The following PTPRK variants were observed in gnomAD, a reference collection of about 807,000 sequenced individuals.
PTPRK encodes protein tyrosine phosphatase receptor type K.
A neutral mutation model predicts 178.0 loss-of-function variants in PTPRK; 75 were observed. The ratio of observed to expected loss-of-function variants is 0.42; its 90% CI spans 0.35 to 0.51. The LOEUF is 0.51. Ranked by LOEUF, PTPRK falls within the 20% of genes least tolerant of loss-of-function variation. The pLI is 0.02. For synonymous variants in PTPRK, 637 were observed against 620.6 expected (o/e 1.03, Z -0.39); for missense variants, 1,441 against 1,797.8 (o/e 0.80, Z 3.59).
At chr6:127,970,961 G>GA (rs71952464) in intron 29 of PTPRK, among the ~76,000 whole-genome samples, 3 of 149,540 alleles carry the variant, frequency 2.0e-5, no homozygotes, top group East Asian at 2.0e-4. Flanking sequence ...ATTTCCTTGA[G>GA]AAAAAAAAAG....
chr6:128,434,389 T>C (rs1229698905), intron 1 of PTPRK, among the ~76,000 whole-genome samples: 1 of 152,184 alleles, frequency 6.6e-6, no homozygotes, highest in Non-Finnish European at 1.5e-5. Flanking sequence ...TGAATACTTC[T>C]GAACCTCCCT....
At chr6:128,435,747 C>A (rs1845508640) in intron 1 of PTPRK, among the ~76,000 whole-genome samples, 1 of 152,158 alleles carries the variant, frequency 6.6e-6, no homozygotes, top group Non-Finnish European at 1.5e-5. Flanking sequence ...CAAGGCATGA[C>A]TGTAACAGCT....
intron 3 of PTPRK, among the ~76,000 whole-genome samples, chr6:128,298,165 A>G (rs553924740): frequency 2.1e-3 from 327 of 152,256 alleles, no homozygotes; most frequent in Non-Finnish European, 3.6e-3. Context: ...CACACTCTCC[A>G]AAGACTAAAA....
chr6:128,023,177 T>G (rs1020762585), intron 13 of PTPRK, among the ~76,000 whole-genome samples: 3 of 152,162 alleles, frequency 2.0e-5, no homozygotes, highest in Admixed American at 2.0e-4. Flanking sequence ...TCGATAAAGC[T>G]ATCCAATAAA....
chr6:128,058,894 A>G (rs1250406488), intron 13 of PTPRK, among the ~76,000 whole-genome samples: 1 of 151,916 alleles, frequency 6.6e-6, no homozygotes, highest in Non-Finnish European at 1.5e-5. Context: ...TGTCTTCCAT[A>G]TAGATATGGA....
intron 3 of PTPRK, among the ~76,000 whole-genome samples, chr6:128,285,595 G>A (rs1325854970): frequency 6.6e-6 from 1 of 151,894 alleles, no homozygotes. Context: ...TGGATCACAA[G>A]GTCAGGAGGT....
chr6:128,005,364 C>A, intron 14 of PTPRK, 120 bp from the exon 15 acceptor site: 1 of 813,116 alleles, frequency 1.2e-6, no homozygotes. Flanking sequence ...TTAGAAACCC[C>A]AAGCACTGGT....
rs987081686 is a variant in PTPRK at position 128,328,899 on chromosome 6, C to T, written c.224-6589G>A. Among the ~76,000 whole-genome samples, 4 of 152,200 alleles carry T rather than the reference C, an allele frequency of 2.6e-5. No individual in the cohort carries two copies. In the South Asian group the frequency reaches 8.3e-4, roughly 32 times the overall value. ...TTACAAATCTCTTTAGTATCTGTCT[C>T]AATAGAAGGCAATTAGATTCTCATT... On this transcript the variant is annotated intron_variant, in intron 2 of 29. Transcript: ENST00000368226.
chr6:128,320,181 A>T (rs1828595075), intron 3 of PTPRK, among the ~76,000 whole-genome samples: 1 of 152,136 alleles, frequency 6.6e-6, no homozygotes, highest in Admixed American at 6.6e-5. Context: ...ACATATAACG[A>T]AGGGGGTTTT....
rs28626733 is a variant in PTPRK, at chr6:128,260,501, G to A, written c.496-17899C>T. ...GTAAGCCTCCTATAAAGAGGTATTC[G>A]GGTAAGAAAGTTAGGAAGAGAGGCC... On this transcript the variant is annotated intron_variant, in intron 3 of 29. Coordinates refer to ENST00000368226, the MANE Select transcript of PTPRK (RefSeq NM_002844.4). Among the ~76,000 whole-genome samples the A allele has an allele frequency of 5.0e-3, 763 of 152,228 alleles. 4 individuals are homozygous for A. Among genetic ancestry groups the A allele is most frequent in the Non-Finnish European group, 8.2e-3 (555 of 68,004 alleles).
At chr6:128,446,909 A>G (rs1218236466) in intron 1 of PTPRK, among the ~76,000 whole-genome samples, 1 of 152,178 alleles carries the variant, frequency 6.6e-6, no homozygotes, top group Non-Finnish European at 1.5e-5. Context: ...AAGTCAAGTA[A>G]TACTTTTTCT....
chr6:128,025,296 CTCTAACTTT>C (rs1384882431), intron 13 of PTPRK, among the ~76,000 whole-genome samples: 3 of 152,176 alleles, frequency 2.0e-5, no homozygotes. Flanking sequence ...AGATTGTTTT[CTCTAACTTT>C]TGTTATATGA....
At chr6:128,180,030 A>C (rs1801664551) in intron 7 of PTPRK, among the ~76,000 whole-genome samples, 1 of 152,060 alleles carries the variant, frequency 6.6e-6, no homozygotes, top group African/African-American at 2.4e-5. Flanking sequence ...CCAACTGCAT[A>C]AATGTATTAT....
intron 6 of PTPRK, among the ~76,000 whole-genome samples, chr6:128,194,942 T>C (rs758266979): frequency 6.6e-6 from 1 of 152,074 alleles, no homozygotes; most frequent in Non-Finnish European, 1.5e-5. Flanking sequence ...AAACAAGATA[T>C]CAATTTTAAA....
intron 5 of PTPRK, chr6:128,235,669 C>A (rs1017250399): frequency 4.6e-6 from 2 of 438,512 alleles, no homozygotes; most frequent in Non-Finnish European, 9.5e-6. Context: ...CTCTGAGTAG[C>A]GTGATGAAAT....
At chr6:128,288,056 T>C (rs1193897465) in intron 3 of PTPRK, among the ~76,000 whole-genome samples, 1 of 152,160 alleles carries the variant, frequency 6.6e-6, no homozygotes, top group African/African-American at 2.4e-5. Flanking sequence ...TACTGGAGGC[T>C]TTCTCATTGA....
chr6:128,392,963 CATCTT>C (rs1562426577), intron 2 of PTPRK, among the ~76,000 whole-genome samples: 1 of 151,764 alleles, frequency 6.6e-6, no homozygotes, highest in Non-Finnish European at 1.5e-5. Context: ...AGAGGAAAAA[CATCTT>C]GTTTAATTCT....
rs1773746248 is a variant in PTPRK, at chr6:127,970,164, C to T, written c.*63G>A. On this transcript the variant is annotated 3_prime_UTR_variant, in exon 30 of 30. Coordinates refer to ENST00000368226, the MANE Select transcript of PTPRK (RefSeq NM_002844.4). ...TTCTGCACAAGTGTAACAGGTACAA[C>T]AGCTGCTGGCTCAATAGATGGACAG... 2.9e-6 allele frequency: 4 copies of T among 1,364,030 alleles called. No individual in the cohort carries two copies. Among genetic ancestry groups the T allele is most frequent in the East Asian group, 4.8e-5 (2 of 41,674 alleles). The allele number at this position is 1,364,030 out of a possible 1,614,324, so 84.5% of individuals were successfully genotyped here. A position where few individuals can be genotyped will look rare whatever the true frequency, so the allele number is the denominator to read the frequency against.
At chr6:128,292,082 C>T (rs1403780559) in intron 3 of PTPRK, among the ~76,000 whole-genome samples, 2 of 151,968 alleles carry the variant, frequency 1.3e-5, no homozygotes, top group Admixed American at 6.6e-5. Flanking sequence ...CAATAAAAAA[C>T]TATTTTAATT....
Sources: gnomAD v4.1 joint callset for allele counts (sites outside exome capture counted in the v4.1 genomes callset) on GRCh38, gnomAD v4.1.1 for gene constraint, MANE v1.5 for transcripts, NCBI Gene and HGNC (gene_info 2026-07-23, HGNC 2026-07-21) for gene names.